Variants in PPM1B observed in about 807,000 individuals in gnomAD.
PPM1B encodes protein phosphatase, Mg2+/Mn2+ dependent 1B, also known as protein phosphatase 1B.
PPM1B carries 22 observed loss-of-function variants against 43.0 expected under a neutral mutation model. The observed-to-expected ratio is 0.51, with a 90% CI of 0.37 to 0.73. The LOEUF (loss-of-function observed/expected upper bound fraction) is 0.73, where lower values mean the gene tolerates loss of function less well. Among genes scored for constraint, PPM1B ranks in the 30% least tolerant of loss-of-function variants. PPM1B has a pLI of 0.00. For synonymous variants in PPM1B, 217 were observed against 197.9 expected, an observed-to-expected ratio of 1.10 and a Z score of -0.81; for missense variants, 632 against 584.2, an observed-to-expected ratio of 1.08 and a Z score of -0.84.
rs1189639896 is a variant in PPM1B, at chr2:44,168,994, C to T, written c.-295C>T. 1.9e-5 allele frequency: 3 copies of T among 155,648 alleles called. No individual in the cohort carries two copies. In the Admixed American group the frequency reaches 2.0e-4, roughly 10 times the overall value. 9.6% of individuals were successfully genotyped at this position (155,648 alleles called of 1,614,324 possible). A position where few individuals can be genotyped will look rare whatever the true frequency, so the allele number is the denominator to read the frequency against. ...CGGCGCGGCTGGAGTCTCTGATTCT[C>T]AGGGTTCGGTGGTTGGAAGATGCTC... On this transcript the variant is annotated 5_prime_UTR_variant, in exon 1 of 6. Transcript: ENST00000282412.
chr2:44,180,347 T>C (rs143151640), intron 1 of PPM1B, among the ~76,000 whole-genome samples: 111 of 152,318 alleles, frequency 7.3e-4, no homozygotes, highest in African/African-American at 2.4e-3. Context: ...ATGCCCATCA[T>C]CAGGAAACAA....
chr2:44,218,101 T>C, intron 4 of PPM1B, 23 bp downstream of exon 4: 1 of 1,515,262 alleles, frequency 6.6e-7, no homozygotes, highest in Admixed American at 1.7e-5. Context: ...AAAAGCTAAT[T>C]TTGAGTTCGT....
downstream of PPM1B, chr2:44,232,178 C>A: frequency 7.7e-7 from 1 of 1,299,234 alleles, no homozygotes; most frequent in South Asian, 1.5e-5. Flanking sequence ...CAATACACAA[C>A]ATCTCTCTGT....
chr2:44,191,990 C>T (rs952523837), intron 1 of PPM1B, among the ~76,000 whole-genome samples: 3 of 151,688 alleles, frequency 2.0e-5, no homozygotes, highest in South Asian at 2.1e-4. Flanking sequence ...TCTCTAATAG[C>T]TGTTAGTTTC....
rs1669354744 is a variant in PPM1B, at chr2:44,209,504, A to G, written c.964+177A>G. 4.3e-6 allele frequency: 3 copies of G among 705,322 alleles called. No homozygotes were observed. The South Asian group carries it at 6.3e-5, about 15-fold the overall frequency. The allele number at this position is 705,322 out of a possible 1,614,324, so 43.7% of individuals were successfully genotyped here. A position where few individuals can be genotyped will look rare whatever the true frequency, so the allele number is the denominator to read the frequency against. Reference sequence around the variant, plus strand: ...ATGATTATTTTAAAATTTCCTGGTCAGGCGCAGTGGCTCACACCTGTAATC... The same window carrying G: ...ATGATTATTTTAAAATTTCCTGGTCGGGCGCAGTGGCTCACACCTGTAATC... On this transcript the variant is annotated intron_variant, in intron 3 of 5. Coordinates refer to ENST00000282412, the MANE Select transcript of PPM1B (RefSeq NM_002706.6).
At position 44,230,887 on chromosome 2, in the gene PPM1B, G is replaced by C; in HGVS notation, c.*169G>C. 3.7e-6 allele frequency: 5 copies of C among 1,352,956 alleles called. No individual in the cohort carries two copies. Among genetic ancestry groups the C allele is most frequent in the Non-Finnish European group, 4.8e-6 (5 of 1,038,138 alleles). The allele number at this position is 1,352,956 out of a possible 1,614,324, so 83.8% of individuals were successfully genotyped here. A position where few individuals can be genotyped will look rare whatever the true frequency, so the allele number is the denominator to read the frequency against. Reference sequence around the variant, plus strand: ...CCTTTGCATACACCTTTATGAGATAGTGTAAAATTGACTATTTATAGTACT... The same window carrying C: ...CCTTTGCATACACCTTTATGAGATACTGTAAAATTGACTATTTATAGTACT... On this transcript the variant is annotated 3_prime_UTR_variant, in exon 6 of 6. Coordinates refer to ENST00000282412, the MANE Select transcript of PPM1B (RefSeq NM_002706.6).
chr2:44,204,046 C>T (rs761817807), intron 2 of PPM1B, among the ~76,000 whole-genome samples: 1 of 152,084 alleles, frequency 6.6e-6, no homozygotes, highest in East Asian at 1.9e-4. Flanking sequence ...TAATAACAGA[C>T]AAGAAGTTGG....
intron 5 of PPM1B, among the ~76,000 whole-genome samples, chr2:44,222,892 A>G (rs1052449067): frequency 1.3e-5 from 2 of 152,212 alleles, no homozygotes; most frequent in Non-Finnish European, 2.9e-5. Flanking sequence ...GTGCTATGGC[A>G]CCATCATGGC....
At chr2:44,195,168 C>T (rs1479103402) in intron 1 of PPM1B, among the ~76,000 whole-genome samples, 1 of 151,650 alleles carries the variant, frequency 6.6e-6, no homozygotes, top group Non-Finnish European at 1.5e-5. Context: ...GCTGGGATTA[C>T]AGGCGTGAGC....
rs752649631 is a variant in PPM1B, at chr2:44,194,424, G to A, written c.-14-6762G>A. 2.6e-5 allele frequency among the ~76,000 whole-genome samples: 4 copies of A among 152,248 alleles called. No individual in the cohort carries two copies. In the East Asian group the frequency reaches 5.8e-4, roughly 22 times the overall value. On this transcript the variant is annotated intron_variant, in intron 1 of 5. Transcript: ENST00000282412. ...GTGGTTTCCTTGATTTCTGGGAGTTGGTAAAGAAGGCTGAGCAGGCCGGGC... is the reference window on the plus strand; with the variant it reads ...GTGGTTTCCTTGATTTCTGGGAGTTAGTAAAGAAGGCTGAGCAGGCCGGGC...
chr2:44,178,500 T>C (rs1409299332), intron 1 of PPM1B, among the ~76,000 whole-genome samples: 2 of 149,100 alleles, frequency 1.3e-5, no homozygotes, highest in Non-Finnish European at 3.0e-5. Context: ...AGAGTTTCGC[T>C]CTTGTCACCC....
chr2:44,229,206 A>G (rs1670362256), intron 5 of PPM1B, among the ~76,000 whole-genome samples: 1 of 151,876 alleles, frequency 6.6e-6, no homozygotes, highest in Non-Finnish European at 1.5e-5. Flanking sequence ...GAACGAAGAC[A>G]TTTTTCTGTA....
At chr2:44,209,846 T>TA (rs1669375655) in intron 3 of PPM1B, among the ~76,000 whole-genome samples, 1 of 152,034 alleles carries the variant, frequency 6.6e-6, no homozygotes, top group African/African-American at 2.4e-5. Context: ...AAAACACATC[T>TA]ATCTGTCTAA....
downstream of PPM1B, chr2:44,232,358 T>G: frequency 6.2e-7 from 1 of 1,604,740 alleles, no homozygotes; most frequent in Non-Finnish European, 8.5e-7. Flanking sequence ...TTAAAAACCT[T>G]CTAAAATGCT....
intron 1 of PPM1B, among the ~76,000 whole-genome samples, chr2:44,183,042 C>A (rs965525237): frequency 6.6e-6 from 1 of 152,322 alleles, no homozygotes; most frequent in Admixed American, 6.5e-5. Context: ...TATCCTGTCA[C>A]ACTTTTCAGT....
chr2:44,242,895 G>C (rs1221888006), intron 5 of PPM1B, among the ~76,000 whole-genome samples: 1 of 152,052 alleles, frequency 6.6e-6, no homozygotes, highest in East Asian at 1.9e-4. Flanking sequence ...TTATTTTCCT[G>C]AGTTCGCCAT....
chr2:44,168,915 C>A lies in PPM1B; in HGVS notation c.-374C>A, dbSNP rs1667166024. On this transcript the variant is annotated 5_prime_UTR_variant, in exon 1 of 6. Coordinates refer to ENST00000282412, the MANE Select transcript of PPM1B (RefSeq NM_002706.6). ...CGGCTTCTGCTCAATGGCGGAAAAG[C>A]CGCCGGTGCTCTGACGGCCTCGTTC... 6.5e-6 allele frequency: 1 copy of A among 153,170 alleles called. No individual in the cohort carries two copies. Among genetic ancestry groups the A allele is most frequent in the African/African-American group, 2.4e-5 (1 of 41,452 alleles). 9.5% of individuals were successfully genotyped at this position (153,170 alleles called of 1,614,324 possible).
chr2:44,200,560 A>G (rs1020115858), intron 1 of PPM1B, among the ~76,000 whole-genome samples: 6 of 152,332 alleles, frequency 3.9e-5, no homozygotes, highest in Non-Finnish European at 5.9e-5. Context: ...TAAGGTTTTC[A>G]GTTTTATAGA....
chr2:44,239,069 G>C (rs1446807653), downstream of PPM1B, among the ~76,000 whole-genome samples: 1 of 151,184 alleles, frequency 6.6e-6, no homozygotes, highest in African/African-American at 2.4e-5. Flanking sequence ...TAGCTACTTG[G>C]AGGCTGAAGC....
Sources: gnomAD v4.1 joint callset for allele counts (sites outside exome capture counted in the v4.1 genomes callset) on GRCh38, gnomAD v4.1.1 for gene constraint, MANE v1.5 for transcripts, NCBI Gene and HGNC (gene_info 2026-07-23, HGNC 2026-07-21) for gene names.